The following MMP20 variants were observed in gnomAD, a reference collection of about 807,000 sequenced individuals.
MMP20 encodes the protein matrix metallopeptidase 20, also known as matrix metalloproteinase-20.
MMP20 carries 50 observed loss-of-function variants against 51.8 expected under a neutral mutation model. That is an observed-to-expected ratio of 0.97 (90% CI 0.77 to 1.22). MMP20 has a LOEUF of 1.22. Among genes scored for constraint, MMP20 ranks in the 50% most tolerant of loss-of-function variants. MMP20 has a pLI of 0.00. For synonymous variants in MMP20, 244 were observed against 216.2 expected (o/e 1.13, Z -1.13); for missense variants, 663 against 601.4 (o/e 1.10, Z -1.07).
intron 3 of MMP20, among the ~76,000 whole-genome samples, chr11:102,611,433 T>C (rs1393368129): frequency 1.3e-5 from 2 of 152,226 alleles, no homozygotes; most frequent in African/African-American, 4.8e-5. Flanking sequence ...AACACTATCA[T>C]GGGAATGGAT....
chr11:102,591,204 T>A (rs1050957432), intron 8 of MMP20, among the ~76,000 whole-genome samples: 1 of 152,214 alleles, frequency 6.6e-6, no homozygotes, highest in Non-Finnish European at 1.5e-5. Context: ...TTTTGAGCTA[T>A]AGGTGAGGGT....
chr11:102,606,629 G>A lies in MMP20; in HGVS notation c.859C>T (p.His287Tyr). 1 of 1,613,874 alleles carries A rather than the reference G, an allele frequency of 6.2e-7. No homozygotes were observed. Among genetic ancestry groups the A allele is most frequent in the Non-Finnish European group, 8.5e-7 (1 of 1,179,796 alleles). The change falls in exon 6 of 10, where the codon CAT (histidine) becomes TAT (tyrosine). Residue 287 changes from histidine to tyrosine, a missense_variant. Physicochemically the swap from His to Tyr is moderately conservative, Grantham distance 83. Transcript: ENST00000260228. Reference protein sequence around the residue: ...LGKPTLPHAPHHKPSIPDLCD... With the variant: ...LGKPTLPHAPYHKPSIPDLCD... ...AGGTCAGGGATGGATGGCTTGTGAT[G>A]GGGGGCATGGGGCAGAGTGGGCTTC...
intron 1 of MMP20, among the ~76,000 whole-genome samples, chr11:102,624,944 G>T (rs935315346): frequency 5.9e-5 from 9 of 152,040 alleles, no homozygotes; most frequent in Non-Finnish European, 1.0e-4. Flanking sequence ...AAGCCACCTG[G>T]AATTCTTTAT....
intron 5 of MMP20, 125 bp from the exon 6 acceptor site, chr11:102,606,801 G>A: frequency 8.5e-7 from 1 of 1,172,142 alleles, no homozygotes; most frequent in South Asian, 1.3e-5. Flanking sequence ...CATGGCTGTT[G>A]AGGGCAGGTA....
chr11:102,583,884 A>G (rs1859223786), intron 8 of MMP20, among the ~76,000 whole-genome samples: 1 of 152,246 alleles, frequency 6.6e-6, no homozygotes, highest in Admixed American at 6.5e-5. Context: ...TACAATATGC[A>G]GATTTTCATG....
chr11:102,606,647 T>G lies in MMP20; in HGVS notation c.841A>C (p.Thr281Pro). 6.2e-7 allele frequency: 1 copy of G among 1,613,862 alleles called. No individual in the cohort carries two copies. Among genetic ancestry groups the G allele is most frequent in the South Asian group, 1.1e-5 (1 of 91,056 alleles). ...GPRKVFLGKP[T>P]LPHAPHHKPS... ...TTGTGATGGGGGGCATGGGGCAGAG[T>G]GGGCTTCCCCAGGAATACTTTCCGA... Residue 281 changes from threonine (T) to proline (P), a missense_variant, in exon 6 of 10, where the codon ACT becomes CCT. Physicochemically the swap from Thr to Pro is conservative, Grantham distance 38 (BLOSUM62 -1). Transcript: ENST00000260228.
intron 6 of MMP20, 118 bp downstream of exon 6, chr11:102,606,417 A>C: frequency 7.4e-7 from 1 of 1,349,786 alleles, no homozygotes; most frequent in Admixed American, 1.9e-5. Context: ...CTTCTGCTGC[A>C]TAGGACAGCA....
At chr11:102,598,168 C>A (rs578152838) in intron 6 of MMP20, among the ~76,000 whole-genome samples, 3 of 152,250 alleles carry the variant, frequency 2.0e-5, no homozygotes, top group South Asian at 4.1e-4. Flanking sequence ...CATACTCAGA[C>A]AATTTGCATC....
intron 8 of MMP20, among the ~76,000 whole-genome samples, chr11:102,587,174 C>T (rs1048609823): frequency 1.3e-5 from 2 of 152,172 alleles, no homozygotes; most frequent in South Asian, 2.1e-4. Context: ...TTTCTAAGTA[C>T]TTTCTAATTT....
At chr11:102,621,546 T>C (rs1208027283) in intron 1 of MMP20, among the ~76,000 whole-genome samples, 1 of 152,244 alleles carries the variant, frequency 6.6e-6, no homozygotes, top group East Asian at 1.9e-4. Flanking sequence ...TGAATGCTTT[T>C]AAATGTGACA....
intron 2 of MMP20, among the ~76,000 whole-genome samples, chr11:102,614,478 G>A (rs1199235757): frequency 6.6e-6 from 1 of 152,174 alleles, no homozygotes; most frequent in Non-Finnish European, 1.5e-5. Context: ...CAGGCTTCTT[G>A]TCTTTGTTGT....
intron 8 of MMP20, among the ~76,000 whole-genome samples, chr11:102,585,061 C>A (rs148814048): frequency 6.6e-6 from 1 of 152,124 alleles, no homozygotes; most frequent in Non-Finnish European, 1.5e-5. Flanking sequence ...TATGAATCCT[C>A]CAACTTTGTT....
intron 6 of MMP20, among the ~76,000 whole-genome samples, chr11:102,602,413 A>G (rs1301800176): frequency 1.3e-5 from 2 of 152,146 alleles, no homozygotes; most frequent in African/African-American, 4.8e-5. Context: ...GGAAACCTAG[A>G]TAGTCTATGA....
At chr11:102,619,509 C>T (rs1859720082) in intron 1 of MMP20, among the ~76,000 whole-genome samples, 1 of 151,734 alleles carries the variant, frequency 6.6e-6, no homozygotes, top group Non-Finnish European at 1.5e-5. Flanking sequence ...GAGATGAGGC[C>T]AGTGGTGGGT....
Position 102,594,734 on chromosome 11 carries a change from T to A in MMP20, c.977A>T (p.His326Leu). The A allele has an allele frequency of 6.3e-7, 1 of 1,595,444 alleles. No individual in the cohort carries two copies. The highest frequency in any genetic ancestry group is 8.5e-7 in the Non-Finnish European group (1 of 1,177,294). Residue 326 changes from histidine to leucine, a missense_variant, in exon 7 of 10, where the codon CAC becomes CTC. Transcript: ENST00000260228. Reference sequence around the variant, plus strand: ...GCTGGGCCGAATTCCTGTCCGCAAGTGAACCTGCCGTCTCCAGAAAATCCT... The same window carrying A: ...GCTGGGCCGAATTCCTGTCCGCAAGAGAACCTGCCGTCTCCAGAAAATCCT... The part of the protein sequence containing the change: ...KDRIFWRRQV[H>L]LRTGIRPSTI...
intron 8 of MMP20, among the ~76,000 whole-genome samples, chr11:102,592,799 A>G (rs1397323132): frequency 1.3e-5 from 2 of 152,228 alleles, no homozygotes; most frequent in Non-Finnish European, 2.9e-5. Flanking sequence ...CCTCAACATG[A>G]GTCAACTAAG....
intron 8 of MMP20, 50 bp downstream of exon 8, chr11:102,593,389 A>G: frequency 2.5e-6 from 4 of 1,585,026 alleles, no homozygotes; most frequent in Non-Finnish European, 3.5e-6. Flanking sequence ...ATCTTTTTAA[A>G]ATCATTCTCA....
chr11:102,589,390 G>A (rs1236255744), intron 8 of MMP20, among the ~76,000 whole-genome samples: 3 of 152,150 alleles, frequency 2.0e-5, no homozygotes, highest in Non-Finnish European at 4.4e-5. Context: ...TGATCTTCAT[G>A]AAGTCTTGTA....
rs769210673 is a variant in MMP20, at chr11:102,594,653, A to G, written c.1058T>C (p.Val353Ala). ...LMSNVDAAYEVAERGTAYFFK... is the reference protein window; with the variant it reads ...LMSNVDAAYEAAERGTAYFFK... ...GAAGTAAGCAGTGCCCCTCTCAGCC[A>G]CTTCGTAAGCTGCATCCACATTGGA... Residue 353 changes from valine (V) to alanine (A), a missense_variant, in exon 7 of 10, where the codon GTG becomes GCG. Transcript: ENST00000260228. 1.9e-6 allele frequency: 3 copies of G among 1,613,548 alleles called. No individual in the cohort carries two copies. In the Admixed American group the frequency reaches 5.0e-5, roughly 27 times the overall value.
Sources: allele counts gnomAD v4.1 joint callset (sites outside exome capture counted in the v4.1 genomes callset), GRCh38; gene constraint gnomAD v4.1.1; transcripts MANE v1.5; gene names NCBI Gene and HGNC (gene_info 2026-07-23, HGNC 2026-07-21).